ZFP14: variants seen among roughly 807,000 people sequenced by gnomAD.
ZFP14 encodes the protein zinc finger protein 14 homolog.
ZFP14 carries 22 observed loss-of-function variants against 54.5 expected under a neutral mutation model. The observed-to-expected ratio is 0.40, with a 90% CI of 0.29 to 0.58. ZFP14 has a LOEUF of 0.58. ZFP14 is among the 20% of genes least tolerant of loss of function. The pLI is 0.39. For synonymous variants in ZFP14, 159 were observed against 204.0 expected (o/e 0.78, Z 1.88); for missense variants, 470 against 637.8 (o/e 0.74, Z 2.83).
At chr19:36,360,641 C>A in intron 3 of ZFP14, 108 bp from the exon 4 acceptor site, 1 of 981,752 alleles carries the variant, frequency 1.0e-6, no homozygotes, top group Non-Finnish European at 1.4e-6. Flanking sequence ...TTTATAAAGC[C>A]TAGGAGCGAA....
chr19:36,367,914 G>A lies in ZFP14; in HGVS notation c.-22C>T. On this transcript the variant is annotated 5_prime_UTR_variant, in exon 2 of 5. Transcript: ENST00000270001. ...CCATGGTTTTAGAACTGCAAAAACT[G>A]GTCAGTCCTTTTCAAGATTTCTCTG... is the stretch of plus-strand genomic sequence containing the variant. 3 of 1,607,150 alleles carry A rather than the reference G, an allele frequency of 1.9e-6. No homozygotes were observed. Among genetic ancestry groups the A allele is most frequent in the South Asian group, 1.1e-5 (1 of 89,482 alleles).
intron 1 of ZFP14, among the ~76,000 whole-genome samples, chr19:36,377,279 G>A (rs1216511971): frequency 6.6e-6 from 1 of 152,136 alleles, no homozygotes. Flanking sequence ...GTTCTACGTG[G>A]TGGCTCACGC....
chr19:36,359,244 T>C (rs899714577), intron 4 of ZFP14, among the ~76,000 whole-genome samples: 1 of 152,234 alleles, frequency 6.6e-6, no homozygotes, highest in Non-Finnish European at 1.5e-5. Flanking sequence ...TCATCATTTT[T>C]GTATATCATT....
At chr19:36,350,500 C>T (rs1052925846) in intron 4 of ZFP14, among the ~76,000 whole-genome samples, 1 of 140,844 alleles carries the variant, frequency 7.1e-6, no homozygotes, top group Non-Finnish European at 1.6e-5. Context: ...ACTTGGGAGG[C>T]TGAGGTGGGA....
chr19:36,357,719 T>C (rs2031638875), intron 4 of ZFP14, among the ~76,000 whole-genome samples: 1 of 151,978 alleles, frequency 6.6e-6, no homozygotes, highest in Non-Finnish European at 1.5e-5. Context: ...TCACTGTAGT[T>C]TTAATAAATC....
chr19:36,368,476 C>A (rs569801170), intron 1 of ZFP14, among the ~76,000 whole-genome samples: 218 of 152,218 alleles, frequency 1.4e-3, no homozygotes, highest in African/African-American at 5.1e-3. Flanking sequence ...GAAATACAAG[C>A]TCTGAAGAAA....
At chr19:36,357,871 T>C (rs1175434739) in intron 4 of ZFP14, among the ~76,000 whole-genome samples, 3 of 151,634 alleles carry the variant, frequency 2.0e-5, no homozygotes, top group African/African-American at 7.3e-5. Flanking sequence ...CCCTCCCCAG[T>C]AGCTGGGATT....
At chr19:36,342,794 G>GC (rs67476179) in intron 4 of ZFP14, among the ~76,000 whole-genome samples, 10 of 49,164 alleles carry the variant, frequency 2.0e-4, no homozygotes, top group Non-Finnish European at 4.0e-4. Context: ...TTCTTAAAAC[G>GC]GGTGAAAGGG....
At chr19:36,375,984 C>T (rs2031956471) in intron 1 of ZFP14, among the ~76,000 whole-genome samples, 1 of 151,810 alleles carries the variant, frequency 6.6e-6, no homozygotes, top group East Asian at 1.9e-4. Context: ...TGAGCCACCG[C>T]GCCCGGCCAG....
chr19:36,352,014 T>C (rs2145548288), intron 4 of ZFP14, among the ~76,000 whole-genome samples: 1 of 142,310 alleles, frequency 7.0e-6, no homozygotes, highest in East Asian at 2.1e-4. Context: ...AAACCCCGTC[T>C]CTACTAAAAA....
At chr19:36,377,086 C>T (rs1462872267) in intron 1 of ZFP14, among the ~76,000 whole-genome samples, 1 of 152,132 alleles carries the variant, frequency 6.6e-6, no homozygotes, top group Non-Finnish European at 1.5e-5. Context: ...TAACACAGAC[C>T]TCTCCACTAA....
At position 36,341,177 on chromosome 19, in the gene ZFP14, G is replaced by A. The variant is rs773952949; in HGVS notation, c.649C>T (p.Arg217Ter). The A allele has an allele frequency of 8.1e-6, 13 of 1,613,920 alleles. No individual in the cohort carries two copies. The highest frequency in any genetic ancestry group is 1.3e-5 in the African/African-American group (1 of 74,892). Residue 217 changes from arginine (R) to a stop codon, truncating the protein, a stop_gained, in exon 5 of 5, where the codon CGA (arginine) becomes TGA (stop). Coordinates refer to ENST00000270001, the MANE Select transcript of ZFP14 (RefSeq NM_020917.3). LOFTEE classifies it high-confidence loss of function. The surrounding 1 kb of genome is among the most constrained non-coding windows in gnomAD (Gnocchi z 4.2). ...TCACCGGTGTGAAGTTTGTGATGTC[G>A]AATAAGATGTGCACGCTGTCTAAAG... is the stretch of plus-strand genomic sequence containing the variant. The part of the protein sequence containing the change: ...QAFRQRAHLI[R>*]HHKLHTGEKP...
intron 4 of ZFP14, among the ~76,000 whole-genome samples, chr19:36,342,976 T>C (rs912512926): frequency 2.6e-5 from 4 of 152,206 alleles, no homozygotes; most frequent in Non-Finnish European, 4.4e-5. Context: ...ATGGGACAGA[T>C]TGCACTCTCA....
chr19:36,362,529 C>T (rs2031726579), intron 2 of ZFP14, among the ~76,000 whole-genome samples: 1 of 152,056 alleles, frequency 6.6e-6, no homozygotes, highest in Non-Finnish European at 1.5e-5. Flanking sequence ...TGAAATAGTG[C>T]ACGCAAGCCT....
chr19:36,345,210 C>T (rs1005330653), intron 4 of ZFP14, among the ~76,000 whole-genome samples: 2 of 152,192 alleles, frequency 1.3e-5, no homozygotes, highest in African/African-American at 4.8e-5. Context: ...TTGGGGTGAG[C>T]CAAGATTGTG....
rs372642180 is a variant in ZFP14 at position 36,351,392 on chromosome 19, T to C, written c.235+9043A>G. On this transcript the variant is annotated intron_variant, in intron 4 of 4. Coordinates refer to ENST00000270001, the MANE Select transcript of ZFP14 (RefSeq NM_020917.3). The stretch of plus-strand genomic sequence containing the variant: ...TGCATGCCTGTAGTCCCAGCTACTC[T>C]AGAGGCCGAGGTGGGAGAATTGCTT... Among the ~76,000 whole-genome samples, 6 of 140,928 alleles carry C rather than the reference T, an allele frequency of 4.3e-5. 1 individual carries two copies. Among genetic ancestry groups the C allele is most frequent in the Non-Finnish European group, 9.4e-5 (6 of 63,660 alleles). The allele number at this position is 140,928 out of a possible 152,430, so 92.5% of individuals were successfully genotyped here. A position where few individuals can be genotyped will look rare whatever the true frequency, so the allele number is the denominator to read the frequency against.
At chr19:36,373,383 G>A (rs1384470182) in intron 1 of ZFP14, among the ~76,000 whole-genome samples, 1 of 152,002 alleles carries the variant, frequency 6.6e-6, no homozygotes, top group African/African-American at 2.4e-5. Context: ...GGGGTAGTTG[G>A]GGGTGGGGGG....
intron 1 of ZFP14, among the ~76,000 whole-genome samples, chr19:36,371,488 G>A (rs779312701): frequency 6.6e-6 from 1 of 152,038 alleles, no homozygotes; most frequent in Non-Finnish European, 1.5e-5. Flanking sequence ...ACCAAGCAGA[G>A]GAATGAATCT....
rs912795865 is a variant in ZFP14, at chr19:36,349,241, A to C, written c.236-7651T>G. Among the ~76,000 whole-genome samples the C allele has an allele frequency of 4.2e-4, 17 of 40,764 alleles. 3 individuals are homozygous for C. The highest frequency in any genetic ancestry group is 1.1e-3 in the East Asian group (2 of 1,844). The allele number at this position is 40,764 out of a possible 152,430, so 26.7% of individuals were successfully genotyped here. On this transcript the variant is annotated intron_variant, in intron 4 of 4. Coordinates refer to ENST00000270001, the MANE Select transcript of ZFP14 (RefSeq NM_020917.3). ...AGGGGAACTCTGTCTCAAAAAAAAAAACAAAAAAAAAAAAACAAAAAAAAA... is the reference window on the plus strand; with the variant it reads ...AGGGGAACTCTGTCTCAAAAAAAAACACAAAAAAAAAAAAACAAAAAAAAA...
Sources: allele counts gnomAD v4.1 joint callset (sites outside exome capture counted in the v4.1 genomes callset), GRCh38; gene constraint gnomAD v4.1.1; non-coding constraint Gnocchi (gnomAD v3.1); transcripts MANE v1.5; gene names NCBI Gene and HGNC (gene_info 2026-07-23, HGNC 2026-07-21).